Variants in CDH4 observed in about 807,000 individuals in gnomAD.
The protein encoded by CDH4 is cadherin 4.
A neutral mutation model predicts 86.0 loss-of-function variants in CDH4; 33 were observed. The ratio of observed to expected loss-of-function variants is 0.38; its 90% confidence interval spans 0.29 to 0.51. The LOEUF (loss-of-function observed/expected upper bound fraction) is 0.51. Ranked by LOEUF, CDH4 falls within the 20% of genes least tolerant of loss-of-function variation. The pLI is 0.86. For missense variants in CDH4, 1,114 were observed against 1,307.4 expected (o/e 0.85, Z 2.28); for synonymous variants, 555 against 549.4 (o/e 1.01, Z -0.14).
intron 2 of CDH4, among the ~76,000 whole-genome samples, chr20:61,404,207 A>AT (rs1190434287): frequency 6.6e-6 from 1 of 151,918 alleles, no homozygotes; most frequent in Non-Finnish European, 1.5e-5. Context: ...CCCAGGGCAC[A>AT]TTTCTTCTCC....
At chr20:61,589,969 C>A (rs950315171) in intron 2 of CDH4, among the ~76,000 whole-genome samples, 1 of 151,798 alleles carries the variant, frequency 6.6e-6, no homozygotes, top group Non-Finnish European at 1.5e-5. Context: ...AGGCCAGGGT[C>A]GGGAAGCAGC....
intron 2 of CDH4, among the ~76,000 whole-genome samples, chr20:61,523,947 G>A (rs2085891725): frequency 6.6e-6 from 1 of 152,212 alleles, no homozygotes; most frequent in Admixed American, 6.5e-5. Context: ...TGCTTGGATG[G>A]TGTTATATAA....
chr20:61,854,968 A>G (rs1359866552), intron 6 of CDH4, among the ~76,000 whole-genome samples: 27 of 110,010 alleles, frequency 2.5e-4, no homozygotes, highest in East Asian at 6.3e-4. Context: ...CCTTTGGCCC[A>G]CCCCCAGGGG....
chr20:61,506,240 G>T (rs181800928), intron 2 of CDH4, among the ~76,000 whole-genome samples: 1 of 152,114 alleles, frequency 6.6e-6, no homozygotes, highest in African/African-American at 2.4e-5. Context: ...TTGCATATGC[G>T]GTGCATGCAA....
intron 3 of CDH4, among the ~76,000 whole-genome samples, chr20:61,764,992 G>A (rs547366773): frequency 2.6e-5 from 4 of 152,294 alleles, no homozygotes; most frequent in East Asian, 3.9e-4. Flanking sequence ...GGGGAGAGGC[G>A]ATCTGAAATG....
intron 2 of CDH4, among the ~76,000 whole-genome samples, chr20:61,278,649 T>C (rs1360948203): frequency 6.6e-6 from 1 of 152,216 alleles, no homozygotes; most frequent in Non-Finnish European, 1.5e-5. Flanking sequence ...CTGAGAATGT[T>C]CAAAATGCAA....
intron 2 of CDH4, among the ~76,000 whole-genome samples, chr20:61,585,175 C>T (rs2086459916): frequency 6.6e-6 from 1 of 152,232 alleles, no homozygotes; most frequent in Admixed American, 6.5e-5. Context: ...TGCTCTGAAA[C>T]GTTCCAATAA....
rs779755183 is a variant in CDH4, at chr20:61,392,652, A to G, written c.169+137715A>G. Among the ~76,000 whole-genome samples the G allele has an allele frequency of 3.3e-5, 5 of 152,166 alleles. No individual in the cohort carries two copies. Among genetic ancestry groups the G allele is most frequent in the Non-Finnish European group, 5.9e-5 (4 of 68,028 alleles). On this transcript the variant is annotated intron_variant, in intron 2 of 15. Transcript: ENST00000614565. The surrounding 1 kb of genome is among the most constrained non-coding windows in gnomAD (Gnocchi z 5.7). ...CTATTACTTGGTAAAATGTTGTGCT[A>G]TGTTGTTAATTCAACTCCCTTGGGT...
intron 3 of CDH4, among the ~76,000 whole-genome samples, chr20:61,750,674 G>T (rs1255975695): frequency 1.3e-5 from 2 of 152,188 alleles, no homozygotes; most frequent in African/African-American, 4.8e-5. Context: ...GCAAGAAAAA[G>T]AAATTAGAAT....
At chr20:61,924,288 C>T (rs1378045439) in intron 10 of CDH4, 46 bp from the exon 11 acceptor site, 18 of 1,564,294 alleles carry the variant, frequency 1.2e-5, no homozygotes, top group Admixed American at 5.2e-5. Flanking sequence ...AGGGCAGCCC[C>T]GCCCACCCCC....
At chr20:61,789,313 G>T (rs1370010862) in intron 4 of CDH4, among the ~76,000 whole-genome samples, 1 of 152,210 alleles carries the variant, frequency 6.6e-6, no homozygotes, top group African/African-American at 2.4e-5. Flanking sequence ...AAGTTGAGAA[G>T]CTGATTTCAT....
At chr20:61,260,815 T>C (rs1251809154) in intron 2 of CDH4, among the ~76,000 whole-genome samples, 2 of 152,286 alleles carry the variant, frequency 1.3e-5, no homozygotes, top group Middle Eastern at 3.4e-3. Flanking sequence ...TTCCCTCTTA[T>C]AGTTTTGTCT....
intron 2 of CDH4, among the ~76,000 whole-genome samples, chr20:61,590,975 C>T (rs372575437): frequency 2.0e-5 from 3 of 151,236 alleles, no homozygotes; most frequent in South Asian, 4.2e-4. Flanking sequence ...CCATGAACAG[C>T]ATCCAGATGG....
chr20:61,667,926 C>A (rs554336301), intron 2 of CDH4, among the ~76,000 whole-genome samples: 80 of 152,280 alleles, frequency 5.3e-4, no homozygotes, highest in African/African-American at 1.9e-3. Context: ...TGCCAAATGT[C>A]GCATGTGGCT....
chr20:61,852,732 C>G (rs770174053), intron 5 of CDH4, 22 bp from the exon 6 acceptor site: 1 of 1,605,878 alleles, frequency 6.2e-7, no homozygotes, highest in African/African-American at 1.3e-5. Context: ...GCCACTGGGC[C>G]CTGTCTCTGC....
intron 4 of CDH4, among the ~76,000 whole-genome samples, chr20:61,832,443 A>G (rs937419326): frequency 6.6e-6 from 1 of 152,198 alleles, no homozygotes; most frequent in East Asian, 1.9e-4. Flanking sequence ...TCATTTTCAC[A>G]CTGCTGTAAA....
chr20:61,715,792 C>A (rs532732326), intron 2 of CDH4, among the ~76,000 whole-genome samples: 1 of 152,342 alleles, frequency 6.6e-6, no homozygotes, highest in African/African-American at 2.4e-5. Context: ...CACAGCAATG[C>A]TCATCTAACA....
intron 2 of CDH4, among the ~76,000 whole-genome samples, chr20:61,364,899 C>G (rs1014515774): frequency 2.6e-5 from 4 of 152,126 alleles, no homozygotes; most frequent in African/African-American, 9.7e-5. Flanking sequence ...ACCCTCAGGC[C>G]CTCTTGCAGA....
chr20:61,664,066 C>A (rs1246862878), intron 2 of CDH4, among the ~76,000 whole-genome samples: 2 of 152,176 alleles, frequency 1.3e-5, no homozygotes, highest in African/African-American at 2.4e-5. Context: ...GCTGACCGGG[C>A]CTCAGTCAGT....
Sources: gnomAD v4.1 joint callset for allele counts (sites outside exome capture counted in the v4.1 genomes callset) on GRCh38, gnomAD v4.1.1 for gene constraint, Gnocchi (gnomAD v3.1) non-coding constraint, MANE v1.5 for transcripts, NCBI Gene and HGNC (gene_info 2026-07-23, HGNC 2026-07-21) for gene names.